The following MPPE1 variants were observed in gnomAD, a reference collection of about 807,000 sequenced individuals.
MPPE1 encodes metallophosphoesterase 1, also known as metallo phosphoesterase.
In MPPE1, 28 loss-of-function variants were observed where a neutral mutation model predicts 43.8. That is an observed-to-expected ratio of 0.64 (90% CI 0.47 to 0.88). The LOEUF is 0.88. MPPE1 is among the 40% of genes least tolerant of loss of function. The pLI is 0.00. For synonymous variants in MPPE1, 159 were observed against 188.5 expected, an observed-to-expected ratio of 0.84 and a Z score of 1.28; for missense variants, 428 against 492.2, an observed-to-expected ratio of 0.87 and a Z score of 1.23.
At chr18:11,893,643 G>T in intron 3 of MPPE1, 67 bp from the exon 4 acceptor site, 1 of 1,291,852 alleles carries the variant, frequency 7.7e-7, no homozygotes, top group Non-Finnish European at 1.1e-6. Flanking sequence ...TCTGTATTAT[G>T]CACCATTTAA....
intron 2 of MPPE1, among the ~76,000 whole-genome samples, chr18:11,900,924 AG>A (rs1342749972): frequency 6.6e-6 from 1 of 151,166 alleles, no homozygotes; most frequent in African/African-American, 2.4e-5. Flanking sequence ...AAAAAAAAAA[AG>A]TAAGAGAAAA....
chr18:11,904,323 A>T (rs4989514), intron 2 of MPPE1, among the ~76,000 whole-genome samples: 37,847 of 127,074 alleles, frequency 0.3, 6,081 homozygotes, highest in African/African-American at 0.53. Flanking sequence ...TTATTTATTT[A>T]TTTTTTTTTG....
chr18:11,899,816 G>A (rs8094521), intron 2 of MPPE1, among the ~76,000 whole-genome samples: 40,568 of 152,110 alleles, frequency 0.27, 8,023 homozygotes, highest in African/African-American at 0.55. Flanking sequence ...CATGTCACAC[G>A]TAGGCATGGA....
chr18:11,893,292 TTAGA>T (rs779915054), intron 4 of MPPE1, 172 bp downstream of exon 4: 6 of 567,204 alleles, frequency 1.1e-5, no homozygotes, highest in Admixed American at 3.2e-5. Context: ...TCTAATAATC[TTAGA>T]TAGCCTATGA....
Position 11,889,571 on chromosome 18 carries a change from T to C in MPPE1, c.391-81A>G, listed in dbSNP as rs1056630447. ...AAAAAAACAGGATCCCTATTTTGTT[T>C]TGCTTTTTTTTGAGACGAGTCTGGC... On this transcript the variant is annotated intron_variant, in intron 4 of 10. Coordinates refer to ENST00000588072, the MANE Select transcript of MPPE1 (RefSeq NM_023075.6). 8.3e-6 allele frequency: 9 copies of C among 1,089,360 alleles called. No individual in the cohort carries two copies. The African/African-American group carries it at 1.4e-4, about 17-fold the overall frequency. 67.5% of individuals were successfully genotyped at this position (1,089,360 alleles called of 1,614,324 possible).
In MPPE1 at chr18:11,886,614, G is replaced by C. The variant is rs755390196; in HGVS notation, c.752C>G (p.Pro251Arg). Residue 251 changes from proline to arginine, a missense_variant, in exon 9 of 11, where the codon CCT becomes CGT. Around this residue, in one of 3 missense-constraint regions of MPPE1, gnomAD observed 379 missense variants for 402.5 expected, o/e 0.94. Transcript: ENST00000588072. This position sits in a 1 kb window ranked among gnomAD's most constrained non-coding sequence, Gnocchi z 4.1. ...GTTAGCATCACTTCTCCGATACAGA[G>C]GATAATGCTGTCCGGGGTGGAGAGA... ...TSAPVLLQHY[P>R]LYRRSDANCS... The C allele has an allele frequency of 1.2e-6, 2 of 1,614,198 alleles. No homozygotes were observed. The highest frequency in any genetic ancestry group is 1.1e-5 in the South Asian group (1 of 91,086).
Position 11,886,430 on chromosome 18 carries a change from G to A in MPPE1, c.867+69C>T, listed in dbSNP as rs1261243368. 6.2e-7 allele frequency: 1 copy of A among 1,609,518 alleles called. No homozygotes were observed. Among genetic ancestry groups the A allele is most frequent in the Non-Finnish European group, 8.5e-7 (1 of 1,177,224 alleles). On this transcript the variant is annotated intron_variant, in intron 9 of 10. Coordinates refer to ENST00000588072, the MANE Select transcript of MPPE1 (RefSeq NM_023075.6). The surrounding 1 kb of genome is among the most constrained non-coding windows in gnomAD (Gnocchi z 4.1). ...ACACCTGCTCTAGCCTGGGCACTCTGCTTGTTGACATGCAAGGTGATGAGA... is the reference window on the plus strand; with the variant it reads ...ACACCTGCTCTAGCCTGGGCACTCTACTTGTTGACATGCAAGGTGATGAGA...
At chr18:11,902,763 G>A (rs955567125) in intron 2 of MPPE1, 10 of 152,320 alleles carry the variant, frequency 6.6e-5, no homozygotes, top group African/African-American at 2.4e-4. Flanking sequence ...AAAAGCATCA[G>A]TGAGTGGTGA....
rs1003295510 is a variant in MPPE1, at chr18:11,884,668, A to G, written c.1009-41T>C. 7.0e-6 allele frequency: 11 copies of G among 1,582,338 alleles called. No individual in the cohort carries two copies. The East Asian group carries it at 1.3e-4, about 19-fold the overall frequency. On this transcript the variant is annotated intron_variant, in intron 10 of 10. Coordinates refer to ENST00000588072, the MANE Select transcript of MPPE1 (RefSeq NM_023075.6). Reference sequence around the variant, plus strand: ...GAAAGTTATGCTGAGAGCACCAGGCACACGTTGAACACCGCAGTCTTAGAA... The same window carrying G: ...GAAAGTTATGCTGAGAGCACCAGGCGCACGTTGAACACCGCAGTCTTAGAA...
intron 4 of MPPE1, among the ~76,000 whole-genome samples, chr18:11,890,230 C>T (rs906332618): frequency 7.0e-4 from 106 of 152,134 alleles, no homozygotes; most frequent in African/African-American, 2.5e-3. Flanking sequence ...GCGTGAGCCA[C>T]CACACTTGGC....
At chr18:11,885,131 A>C in intron 10 of MPPE1, 1 of 1,036,262 alleles carries the variant, frequency 9.7e-7, no homozygotes. Context: ...GTTTTCATTT[A>C]CTTTGAATTT....
intron 6 of MPPE1, among the ~76,000 whole-genome samples, chr18:11,887,353 C>T (rs573703309): frequency 1.1e-4 from 14 of 129,706 alleles, no homozygotes; most frequent in African/African-American, 4.7e-4. Flanking sequence ...CTCTTCCATG[C>T]AGGGCTAAGA....
intron 10 of MPPE1, chr18:11,884,863 T>C: frequency 7.4e-7 from 1 of 1,355,042 alleles, no homozygotes; most frequent in Non-Finnish European, 9.5e-7. Flanking sequence ...GAGTGGAAAA[T>C]GTCTGGGACA....
At chr18:11,890,489 T>C (rs927568711) in intron 4 of MPPE1, among the ~76,000 whole-genome samples, 25 of 152,128 alleles carry the variant, frequency 1.6e-4, no homozygotes, top group African/African-American at 5.5e-4. Context: ...TTTGTATTTT[T>C]AGTAGACACA....
chr18:11,892,070 C>T (rs750937520), intron 4 of MPPE1, among the ~76,000 whole-genome samples: 6 of 151,992 alleles, frequency 3.9e-5, no homozygotes, highest in Non-Finnish European at 7.4e-5. Context: ...TCTGGCGCAG[C>T]GGCTCACGCC....
rs979033597 is a variant in MPPE1 at position 11,908,231 on chromosome 18, C to T, written c.-230G>A. Reference sequence around the variant, plus strand: ...CCATGCTTTCCAGCTCTGCGCACAACGCCAGGCAGATGGGGAGCACCGGGC... The same window carrying T: ...CCATGCTTTCCAGCTCTGCGCACAATGCCAGGCAGATGGGGAGCACCGGGC... On this transcript the variant is annotated 5_prime_UTR_variant, in exon 1 of 11. Transcript: ENST00000588072. 29 of 152,406 alleles carry T rather than the reference C, an allele frequency of 1.9e-4. No homozygotes were observed. The highest frequency in any genetic ancestry group is 6.5e-4 in the African/African-American group (27 of 41,590). 9.4% of individuals were successfully genotyped at this position (152,406 alleles called of 1,614,324 possible).
Position 11,889,443 on chromosome 18 carries a change from T to C in MPPE1, c.438A>G (p.Pro146=). Residue 146 remains proline, a synonymous_variant, in exon 5 of 11, where the codon CCA becomes CCG. Transcript: ENST00000588072. ...CAACTACCTTCAGCTGTACATGACT[T>C]GGGTGTCTGAACATTTTCTGAAACC... ...VERFQKMFRH[P]SHVQLKVVAG... 6.2e-7 allele frequency: 1 copy of C among 1,613,502 alleles called. No individual in the cohort carries two copies. Among genetic ancestry groups the C allele is most frequent in the Non-Finnish European group, 8.5e-7 (1 of 1,179,756 alleles).
intron 2 of MPPE1, chr18:11,905,719 C>T (rs1396890071): frequency 2.0e-5 from 3 of 152,270 alleles, no homozygotes; most frequent in East Asian, 1.9e-4. Flanking sequence ...GCAGACACCC[C>T]CACCCCGGTG....
intron 2 of MPPE1, among the ~76,000 whole-genome samples, chr18:11,900,683 A>AGGTG (rs1567968673): frequency 1.3e-5 from 2 of 152,126 alleles, no homozygotes; most frequent in African/African-American, 2.4e-5. Flanking sequence ...CAAGGTGGGC[A>AGGTG]GATCACGAGG....
Sources: allele counts gnomAD v4.1 joint callset (sites outside exome capture counted in the v4.1 genomes callset), GRCh38; gene constraint gnomAD v4.1.1; regional missense constraint gnomAD v4.1.1; non-coding constraint Gnocchi (gnomAD v3.1); transcripts MANE v1.5; gene names NCBI Gene and HGNC (gene_info 2026-07-23, HGNC 2026-07-21).